Variants in PCDH15 observed in about 807,000 individuals in gnomAD.
PCDH15 encodes protocadherin related 15, also known as protocadherin-15.
Under a neutral mutation model 178.5 loss-of-function variants are expected in PCDH15, and 129 were observed. That is an observed-to-expected ratio of 0.72 (90% confidence interval 0.63 to 0.84). PCDH15 has a LOEUF of 0.84. Ranked by LOEUF, PCDH15 falls within the 40% of genes least tolerant of loss-of-function variation. The pLI is 0.00. For synonymous variants in PCDH15, 800 were observed against 732.0 expected, an observed-to-expected ratio of 1.09 and a Z score of -1.50; for missense variants, 2,230 against 2,099.9, an observed-to-expected ratio of 1.06 and a Z score of -1.21.
chr10:54,716,866 A>G (rs534879188), intron 1 of PCDH15, among the ~76,000 whole-genome samples: 18 of 148,542 alleles, frequency 1.2e-4, no homozygotes, highest in African/African-American at 4.5e-4. Context: ...ACTATACTAC[A>G]AGGCTACAGT....
rs563000438 is a variant in PCDH15 at position 55,524,245 on chromosome 10, T to C, written c.-156+103380A>G. On this transcript the variant is annotated intron_variant, in intron 2 of 5. Transcript: ENST00000613346. ...GTTTACTTTGTGGGCACTATTCTTC[T>C]GGCCCAAGGTTTTTGAGTTCAGAAG... 2.0e-5 allele frequency among the ~76,000 whole-genome samples: 3 copies of C among 151,646 alleles called. No homozygotes were observed. In the East Asian group the frequency reaches 5.8e-4, roughly 29 times the overall value.
intron 2 of PCDH15, among the ~76,000 whole-genome samples, chr10:55,022,642 A>C (rs2131956245): frequency 6.6e-6 from 1 of 151,956 alleles, no homozygotes; most frequent in South Asian, 2.1e-4. Context: ...TTAAATCATT[A>C]TCTCAGAAAA....
At chr10:53,835,457 C>T (rs563676176) in intron 29 of PCDH15, among the ~76,000 whole-genome samples, 98 of 152,014 alleles carry the variant, frequency 6.4e-4, no homozygotes, top group Middle Eastern at 3.4e-3. Context: ...TTAACAGCAA[C>T]AACAAAATGA....
chr10:55,308,427 C>A (rs548666091), intron 1 of PCDH15, among the ~76,000 whole-genome samples: 2 of 152,242 alleles, frequency 1.3e-5, no homozygotes, highest in East Asian at 3.9e-4. Flanking sequence ...AGGAATAATG[C>A]ATCAGCTGGA....
chr10:54,208,314 A>G (rs1243567110), intron 10 of PCDH15, among the ~76,000 whole-genome samples: 2 of 151,990 alleles, frequency 1.3e-5, no homozygotes, highest in East Asian at 3.9e-4. Flanking sequence ...AACTTATTAT[A>G]TTATTTAGTA....
At chr10:54,648,002 G>T (rs749313785) in intron 2 of PCDH15, among the ~76,000 whole-genome samples, 5 of 152,014 alleles carry the variant, frequency 3.3e-5, no homozygotes, top group African/African-American at 7.2e-5. Flanking sequence ...TCTCTCTTGA[G>T]CCCTCTCCAA....
chr10:55,585,984 A>C (rs565404250), intron 2 of PCDH15, among the ~76,000 whole-genome samples: 1 of 152,108 alleles, frequency 6.6e-6, no homozygotes, highest in Non-Finnish European at 1.5e-5. Context: ...AAAAGACTCT[A>C]TCCAGCTCTC....
chr10:55,125,861 A>C (rs1365184834), intron 2 of PCDH15, among the ~76,000 whole-genome samples: 1 of 152,108 alleles, frequency 6.6e-6, no homozygotes, highest in East Asian at 1.9e-4. Context: ...CTTGGTAGGC[A>C]TAGCTTCTTT....
At chr10:55,618,822 C>T (rs891528745) in intron 2 of PCDH15, among the ~76,000 whole-genome samples, 2 of 151,980 alleles carry the variant, frequency 1.3e-5, no homozygotes, top group African/African-American at 4.8e-5. Flanking sequence ...GATATCAACC[C>T]ATTAAGATCC....
At chr10:54,793,121 G>A (rs1951589552) in intron 1 of PCDH15, among the ~76,000 whole-genome samples, 1 of 151,830 alleles carries the variant, frequency 6.6e-6, no homozygotes, top group African/African-American at 2.4e-5. Flanking sequence ...AGTAGGCTCA[G>A]GGGAACTGAA....
At chr10:54,017,002 C>G (rs2092761033) in intron 20 of PCDH15, among the ~76,000 whole-genome samples, 1 of 152,142 alleles carries the variant, frequency 6.6e-6, no homozygotes, top group Non-Finnish European at 1.5e-5. Context: ...CAAGAGACAA[C>G]ATATGTTAAG....
intron 2 of PCDH15, among the ~76,000 whole-genome samples, chr10:55,409,481 G>A (rs1330880508): frequency 2.0e-5 from 3 of 152,114 alleles, no homozygotes; most frequent in Admixed American, 6.5e-5. Flanking sequence ...TTTGTAACTT[G>A]AAATACTTCA....
intron 2 of PCDH15, among the ~76,000 whole-genome samples, chr10:55,419,506 C>T (rs1341887782): frequency 6.6e-6 from 1 of 151,738 alleles, no homozygotes; most frequent in Non-Finnish European, 1.5e-5. Context: ...TTAATAGTTA[C>T]TGACTCAATG....
intron 2 of PCDH15, among the ~76,000 whole-genome samples, chr10:55,043,559 A>G (rs1382237692): frequency 1.3e-5 from 2 of 151,904 alleles, no homozygotes; most frequent in African/African-American, 4.8e-5. Context: ...AAATAAAAAA[A>G]AATAACTTGT....
intron 3 of PCDH15, among the ~76,000 whole-genome samples, chr10:54,391,861 G>A (rs1565158978): frequency 6.6e-6 from 1 of 152,124 alleles, no homozygotes; most frequent in African/African-American, 2.4e-5. Flanking sequence ...CCTCCTCAAG[G>A]CATTGTCTTC....
chr10:54,088,842 A>C (rs2094554886), intron 16 of PCDH15, among the ~76,000 whole-genome samples: 1 of 152,164 alleles, frequency 6.6e-6, no homozygotes, highest in Non-Finnish European at 1.5e-5. Context: ...AATTGACCAT[A>C]AATACTAGAG....
chr10:55,176,750 A>C (rs1042137696), intron 1 of PCDH15, among the ~76,000 whole-genome samples: 3 of 152,034 alleles, frequency 2.0e-5, no homozygotes, highest in Non-Finnish European at 2.9e-5. Context: ...GAGGATACTA[A>C]ATTGTTCACA....
chr10:55,170,982 C>T (rs1486849122), intron 1 of PCDH15, among the ~76,000 whole-genome samples: 2 of 152,150 alleles, frequency 1.3e-5, no homozygotes, highest in Non-Finnish European at 2.9e-5. Context: ...CCTGATGTAT[C>T]TCCTACATTT....
At chr10:54,099,513 A>T (rs545637916) in intron 15 of PCDH15, among the ~76,000 whole-genome samples, 42 of 117,900 alleles carry the variant, frequency 3.6e-4, no homozygotes, top group African/African-American at 1.1e-3. Flanking sequence ...AAAAAAAAAA[A>T]ATATATATAT....
Sources: allele counts gnomAD v4.1 joint callset (sites outside exome capture counted in the v4.1 genomes callset), GRCh38; gene constraint gnomAD v4.1.1; transcripts MANE v1.5; gene names NCBI Gene and HGNC (gene_info 2026-07-23, HGNC 2026-07-21).